VAV3: variants seen among roughly 807,000 people sequenced by gnomAD.
The protein encoded by VAV3 is vav guanine nucleotide exchange factor 3.
A neutral mutation model predicts 131.2 loss-of-function variants in VAV3; 94 were observed. The observed-to-expected ratio is 0.72, with a 90% CI of 0.61 to 0.85. The LOEUF (loss-of-function observed/expected upper bound fraction) is 0.85, where lower values mean the gene tolerates loss of function less well. Ranked by LOEUF, VAV3 falls within the 40% of genes least tolerant of loss-of-function variation. The probability of loss-of-function intolerance (pLI) is 0.00; values close to 1 mark genes in which losing one functional copy is unlikely to be tolerated. For missense variants in VAV3, 939 were observed against 1,002.7 expected, an observed-to-expected ratio of 0.94 and a Z score of 0.86; for synonymous variants, 349 against 342.0, an observed-to-expected ratio of 1.02 and a Z score of -0.22.
chr1:107,896,118 A>G (rs1404432656), intron 1 of VAV3, among the ~76,000 whole-genome samples: 2 of 152,202 alleles, frequency 1.3e-5, no homozygotes, highest in African/African-American at 2.4e-5. Context: ...ACACAGATAC[A>G]TAATGTTCAA....
intron 2 of VAV3, among the ~76,000 whole-genome samples, chr1:107,848,177 G>A (rs923873439): frequency 6.6e-6 from 1 of 152,022 alleles, no homozygotes; most frequent in Admixed American, 6.6e-5. Flanking sequence ...GTTGGGCATG[G>A]TGGCAGGTGC....
At chr1:107,961,894 G>A (rs1675108330) in intron 1 of VAV3, among the ~76,000 whole-genome samples, 1 of 152,120 alleles carries the variant, frequency 6.6e-6, no homozygotes, top group Non-Finnish European at 1.5e-5. Context: ...TGCAAACAAG[G>A]CAGAAGGCTA....
At chr1:107,752,551 G>A (rs1210990818) in intron 12 of VAV3, among the ~76,000 whole-genome samples, 1 of 152,142 alleles carries the variant, frequency 6.6e-6, no homozygotes, top group Non-Finnish European at 1.5e-5. Flanking sequence ...CAAACCATAT[G>A]TCTTATAAGG....
intron 2 of VAV3, among the ~76,000 whole-genome samples, chr1:107,794,690 G>T (rs186820530): frequency 6.6e-6 from 1 of 152,178 alleles, no homozygotes; most frequent in Non-Finnish European, 1.5e-5. Context: ...AGGAGCCCTG[G>T]AAGACTTCTT....
At chr1:107,665,507 A>C (rs1265183973) in intron 19 of VAV3, among the ~76,000 whole-genome samples, 1 of 152,154 alleles carries the variant, frequency 6.6e-6, no homozygotes, top group Admixed American at 6.6e-5. Context: ...TTCTGCACTA[A>C]ATCTCCCTAG....
intron 25 of VAV3, among the ~76,000 whole-genome samples, chr1:107,590,323 T>C (rs2101046486): frequency 6.6e-6 from 1 of 152,340 alleles, no homozygotes; most frequent in Non-Finnish European, 1.5e-5. Flanking sequence ...AGACTCTGAC[T>C]TCTCTTATTT....
intron 1 of VAV3, among the ~76,000 whole-genome samples, chr1:107,940,836 T>C (rs1397834824): frequency 6.6e-6 from 1 of 152,068 alleles, no homozygotes; most frequent in African/African-American, 2.4e-5. Flanking sequence ...GGAGTTGTTG[T>C]TTAATGTATA....
intron 1 of VAV3, among the ~76,000 whole-genome samples, chr1:107,893,501 G>A (rs905402514): frequency 6.6e-6 from 1 of 152,198 alleles, no homozygotes; most frequent in Non-Finnish European, 1.5e-5. Flanking sequence ...ACAGTTCCAA[G>A]TGGCTGGGGA....
intron 1 of VAV3, among the ~76,000 whole-genome samples, chr1:107,896,983 G>T (rs1671613882): frequency 1.3e-5 from 2 of 152,076 alleles, no homozygotes; most frequent in African/African-American, 4.8e-5. Flanking sequence ...GCACTCAACA[G>T]ATAGAAGGGT....
chr1:107,705,894 C>T (rs900926289), intron 15 of VAV3, among the ~76,000 whole-genome samples: 1 of 152,060 alleles, frequency 6.6e-6, no homozygotes, highest in Non-Finnish European at 1.5e-5. Context: ...TTGCTTTTGG[C>T]CACTGAAACT....
intron 1 of VAV3, among the ~76,000 whole-genome samples, chr1:107,880,547 A>G (rs1254981247): frequency 6.6e-6 from 1 of 152,062 alleles, no homozygotes; most frequent in Non-Finnish European, 1.5e-5. Flanking sequence ...TGTAATCCCA[A>G]CACTTCAGGA....
In VAV3 at chr1:107,837,117, C is replaced by T. The variant is rs571738920; in HGVS notation, c.321+37784G>A. 4.0e-4 allele frequency among the ~76,000 whole-genome samples: 60 copies of T among 151,536 alleles called. 1 individual carries two copies. Among genetic ancestry groups the T allele is most frequent in the Non-Finnish European group, 5.8e-4 (39 of 67,756 alleles). ...AAACAATGGGCAAAAAAAAACAAAA[C>T]GAAACAAAACTTCAAGCTGATATCC... On this transcript the variant is annotated intron_variant, in intron 2 of 26. Transcript: ENST00000370056.
At chr1:107,938,216 C>T (rs766329250) in intron 1 of VAV3, among the ~76,000 whole-genome samples, 1 of 152,088 alleles carries the variant, frequency 6.6e-6, no homozygotes, top group Non-Finnish European at 1.5e-5. Context: ...GAGGCGATCC[C>T]CGAGCCAGAA....
intron 25 of VAV3, among the ~76,000 whole-genome samples, chr1:107,577,295 G>A (rs1024558734): frequency 1.9e-4 from 29 of 152,154 alleles, no homozygotes; most frequent in Non-Finnish European, 2.9e-4. Flanking sequence ...TGCTCTTAGC[G>A]ACTGCTGCAC....
chr1:107,786,772 C>T (rs1355954659), intron 2 of VAV3, among the ~76,000 whole-genome samples: 1 of 152,144 alleles, frequency 6.6e-6, no homozygotes, highest in Non-Finnish European at 1.5e-5. Context: ...CAAATAAACA[C>T]AAAAATCTGT....
chr1:107,944,116 A>G (rs1674132545), intron 1 of VAV3, among the ~76,000 whole-genome samples: 3 of 152,196 alleles, frequency 2.0e-5, no homozygotes, highest in Admixed American at 6.5e-5. Context: ...TGAGTGAAAA[A>G]CCCAAGGAGC....
At chr1:107,610,109 A>G (rs1652610969) in intron 21 of VAV3, 144 bp from the exon 22 acceptor site, 1 of 590,146 alleles carries the variant, frequency 1.7e-6, no homozygotes, top group Non-Finnish European at 3.0e-6. Context: ...TTTTATACAG[A>G]GTGAATCATA....
chr1:107,808,820 TAAC>T lies in VAV3; in HGVS notation c.322-29331_322-29329del, dbSNP rs1659003395. 3.3e-5 allele frequency among the ~76,000 whole-genome samples: 5 copies of T among 152,304 alleles called. No homozygotes were observed. In the South Asian group the frequency reaches 1.0e-3, roughly 32 times the overall value. On this transcript the variant is annotated intron_variant, in intron 2 of 26. Coordinates refer to ENST00000370056, the MANE Select transcript of VAV3 (RefSeq NM_006113.5). Reference sequence around the variant, plus strand: ...ACAAATGAAGTTTTTTTCCAACTGTTAACAATTACAATCAATGAAAATAATACT... The same window carrying T: ...ACAAATGAAGTTTTTTTCCAACTGTTAATTACAATCAATGAAAATAATACT...
intron 2 of VAV3, among the ~76,000 whole-genome samples, chr1:107,809,841 C>G (rs1381473698): frequency 6.6e-6 from 1 of 152,116 alleles, no homozygotes; most frequent in Non-Finnish European, 1.5e-5. Context: ...TACAAAACAA[C>G]TTTTTCTTTT....
Sources: allele counts gnomAD v4.1 joint callset (sites outside exome capture counted in the v4.1 genomes callset), GRCh38; gene constraint gnomAD v4.1.1; transcripts MANE v1.5; gene names NCBI Gene and HGNC (gene_info 2026-07-23, HGNC 2026-07-21).